Variants in ARRDC2 observed in about 807,000 individuals in gnomAD.
The protein encoded by ARRDC2 is arrestin domain containing 2, also known as arrestin domain-containing protein 2.
In ARRDC2, 39 loss-of-function variants were observed where a neutral mutation model predicts 38.9. The ratio of observed to expected loss-of-function variants is 1.00; its 90% confidence interval spans 0.78 to 1.31. The LOEUF (loss-of-function observed/expected upper bound fraction) is 1.31. ARRDC2 is among the 50% of genes most tolerant of loss of function. The pLI is 0.00. For synonymous variants in ARRDC2, 300 were observed against 261.9 expected (o/e 1.15, Z -1.41); for missense variants, 553 against 588.4 (o/e 0.94, Z 0.62).
At chr19:18,008,139 G>T (rs552172365), upstream of ARRDC2, 90 of 299,868 alleles carry the variant, frequency 3.0e-4, no homozygotes, top group Middle Eastern at 2.5e-3. Flanking sequence ...CCGCCCTGCC[G>T]TATAAAAGCG....
intron 7 of ARRDC2, among the ~76,000 whole-genome samples, chr19:18,011,254 C>G (rs938630824): frequency 3.3e-5 from 5 of 152,064 alleles, no homozygotes; most frequent in Non-Finnish European, 7.4e-5. Flanking sequence ...GCCTCGGCAT[C>G]CCAAAGTGCT....
At chr19:18,002,502 G>C (rs575028862) in intron 1 of ARRDC2, among the ~76,000 whole-genome samples, 18 of 152,346 alleles carry the variant, frequency 1.2e-4, no homozygotes, top group Admixed American at 3.3e-4. Context: ...GGGCCGCCCT[G>C]GCTATTCCTC....
chr19:18,013,817 G>C lies in ARRDC2; in HGVS notation c.*851G>C, dbSNP rs563280631. 2.0e-5 allele frequency: 3 copies of C among 152,280 alleles called. No individual in the cohort carries two copies. Among genetic ancestry groups the C allele is most frequent in the African/African-American group, 7.2e-5 (3 of 41,530 alleles). The allele number at this position is 152,280 out of a possible 1,614,324, so 9.4% of individuals were successfully genotyped here. The stretch of plus-strand genomic sequence containing the variant: ...CCAATGTGCAAAGTGAAAACACTGG[G>C]CTCCCTGTTAAACGATGAAGAATTC... On this transcript the variant is annotated 3_prime_UTR_variant, in exon 8 of 8. Coordinates refer to ENST00000222250, the MANE Select transcript of ARRDC2 (RefSeq NM_015683.2).
chr19:18,008,134 C>CCCCCCCAAAAAAAA, upstream of ARRDC2: 1 of 1,301,148 alleles, frequency 7.7e-7, no homozygotes, highest in Non-Finnish European at 9.9e-7. Flanking sequence ...CCCCCCCGCC[C>CCCCCCCAAAAAAAA]TGCCGTATAA....
chr19:18,008,835 C>T, intron 2 of ARRDC2, 58 bp downstream of exon 2: 3 of 1,599,094 alleles, frequency 1.9e-6, no homozygotes, highest in East Asian at 2.2e-5. Flanking sequence ...AGATTGGTAC[C>T]TCCAATACTG....
At chr19:18,001,949 C>T (rs1157048111) in intron 1 of ARRDC2, among the ~76,000 whole-genome samples, 2 of 152,198 alleles carry the variant, frequency 1.3e-5, no homozygotes, top group South Asian at 4.1e-4. Context: ...CCCCCACTAA[C>T]CGGGAACGTC....
In ARRDC2 at chr19:18,008,278, T is replaced by C; in HGVS notation, c.-33T>C. 1 of 1,578,400 alleles carries C rather than the reference T, an allele frequency of 6.3e-7. No homozygotes were observed. The highest frequency in any genetic ancestry group is 8.5e-7 in the Non-Finnish European group (1 of 1,172,092). ...GCCGGTTCGCGAGTTCGAGGCCAGGTTCCGCCTGTCGTGGGTTCGCACCCC... is the reference window on the plus strand; with the variant it reads ...GCCGGTTCGCGAGTTCGAGGCCAGGCTCCGCCTGTCGTGGGTTCGCACCCC... On this transcript the variant is annotated 5_prime_UTR_variant, in exon 1 of 8. Transcript: ENST00000222250.
At position 18,008,422 on chromosome 19, in the gene ARRDC2, C is replaced by A. The variant is rs752008104; in HGVS notation, c.112C>A (p.Leu38Met). 2 of 1,591,534 alleles carry A rather than the reference C, an allele frequency of 1.3e-6. No individual in the cohort carries two copies. Among genetic ancestry groups the A allele is most frequent in the African/African-American group, 2.7e-5 (2 of 74,534 alleles). ...QAVAGRVLLE[L>M]SSAARVGALR... is the part of the protein sequence containing the mutation. Reference sequence around the variant, plus strand: ...CGTGGCGGGCCGGGTGCTGCTGGAGCTGTCAAGCGCCGCGCGTGTGGGTGC... The same window carrying A: ...CGTGGCGGGCCGGGTGCTGCTGGAGATGTCAAGCGCCGCGCGTGTGGGTGC... Residue 38 changes from leucine to methionine, a missense_variant, in exon 1 of 8, where the codon CTG (leucine) becomes ATG (methionine). By Grantham distance (15) the Leu-to-Met change is conservative. Transcript: ENST00000222250.
upstream of ARRDC2, among the ~76,000 whole-genome samples, chr19:18,005,870 C>T (rs1326477261): frequency 6.0e-5 from 9 of 149,260 alleles, no homozygotes; most frequent in Non-Finnish European, 1.0e-4. Flanking sequence ...ACTTCTCAGA[C>T]GGGGCGGCTG....
rs2033334585 is a variant in ARRDC2 at position 18,008,601 on chromosome 19, C to T, written c.274+17C>T. On this transcript the variant is annotated intron_variant, in intron 1 of 7. Transcript: ENST00000222250. ...TGGCGCCAGGTACGGATGGAGGACC[C>T]CTGCTCCAACACCAGTTGTGTGCCT... The T allele has an allele frequency of 1.3e-6, 2 of 1,594,558 alleles. No individual in the cohort carries two copies. The highest frequency in any genetic ancestry group is 1.7e-6 in the Non-Finnish European group (2 of 1,177,060).
At chr19:18,008,662 G>A (rs2033335873) in intron 1 of ARRDC2, 49 bp from the exon 2 acceptor site, 2 of 1,608,120 alleles carry the variant, frequency 1.2e-6, no homozygotes, top group East Asian at 4.5e-5. Flanking sequence ...CGTCAGCCCT[G>A]GGACCCCAGC....
At chr19:18,009,168 C>T (rs1479657684) in intron 3 of ARRDC2, 50 bp downstream of exon 3, 3 of 1,595,570 alleles carry the variant, frequency 1.9e-6, no homozygotes, top group East Asian at 2.3e-5. Context: ...TAGGAAGGGG[C>T]CTGCCTGGCT....
upstream of ARRDC2, among the ~76,000 whole-genome samples, chr19:18,006,314 C>T (rs1401710220): frequency 1.3e-5 from 2 of 152,162 alleles, no homozygotes; most frequent in African/African-American, 4.8e-5. Context: ...GAGATCACGC[C>T]ACTGCACTCC....
Position 18,008,176 on chromosome 19 carries a change from C to T in ARRDC2, c.-135C>T. On this transcript the variant is annotated 5_prime_UTR_variant, in exon 1 of 8. Coordinates refer to ENST00000222250, the MANE Select transcript of ARRDC2 (RefSeq NM_015683.2). ...CGCCGACGCACGGCGCGGGGATTTT[C>T]TGCTCCGGTTGGTGAGCGCGCCTGC... 7.6e-6 allele frequency: 9 copies of T among 1,187,850 alleles called. No individual in the cohort carries two copies. The highest frequency in any genetic ancestry group is 8.4e-6 in the Non-Finnish European group (8 of 947,710). 73.6% of individuals were successfully genotyped at this position (1,187,850 alleles called of 1,614,324 possible).
At chr19:18,008,886 G>C in intron 2 of ARRDC2, 85 bp from the exon 3 acceptor site, 4 of 1,595,532 alleles carry the variant, frequency 2.5e-6, no homozygotes, top group Non-Finnish European at 3.4e-6. Context: ...CTCCCCCTGG[G>C]AGGCCCCCGG....
Position 18,008,350 on chromosome 19 carries a change from G to A in ARRDC2, c.40G>A (p.Asp14Asn), listed in dbSNP as rs148923549. 6.3e-7 allele frequency: 1 copy of A among 1,597,022 alleles called. No homozygotes were observed. Among genetic ancestry groups the A allele is most frequent in the East Asian group, 2.2e-5 (1 of 44,636 alleles). ...DKVKAFSVQL[D>N]GATAGVEPVF... Reference sequence around the variant, plus strand: ...GGTGAAAGCGTTCTCGGTGCAGTTGGACGGCGCGACCGCGGGCGTCGAGCC... The same window carrying A: ...GGTGAAAGCGTTCTCGGTGCAGTTGAACGGCGCGACCGCGGGCGTCGAGCC... Residue 14 changes from aspartate to asparagine, a missense_variant, in exon 1 of 8, where the codon GAC becomes AAC. Asp to Asn is a conservative substitution (Grantham distance 23). Transcript: ENST00000222250.
intron 2 of ARRDC2, 90 bp from the exon 3 acceptor site, chr19:18,008,881 C>T (rs1168776258): frequency 1.3e-6 from 2 of 1,594,978 alleles, no homozygotes; most frequent in South Asian, 1.1e-5. Context: ...AGACTCTCCC[C>T]CTGGGAGGCC....
chr19:18,008,341 G>A lies in ARRDC2; in HGVS notation c.31G>A (p.Val11Met), dbSNP rs1304680746. The A allele has an allele frequency of 6.3e-7, 1 of 1,597,200 alleles. No individual in the cohort carries two copies. The highest frequency in any genetic ancestry group is 8.5e-7 in the Non-Finnish European group (1 of 1,179,058). ...ATTCGACAAGGTGAAAGCGTTCTCG[G>A]TGCAGTTGGACGGCGCGACCGCGGG... MLFDKVKAFS[V>M]QLDGATAGVE... Residue 11 changes from valine to methionine, a missense_variant, in exon 1 of 8, where the codon GTG (valine) becomes ATG (methionine). By Grantham distance (21) the Val-to-Met change is conservative. Around this residue, in one of 3 missense-constraint regions of ARRDC2, gnomAD observed 447 missense variants for 456.6 expected, o/e 0.98. Transcript: ENST00000222250.
chr19:18,009,230 G>T, intron 3 of ARRDC2, 112 bp downstream of exon 3: 1 of 1,303,172 alleles, frequency 7.7e-7, no homozygotes, highest in South Asian at 1.3e-5. Context: ...CCCTGGCAGG[G>T]AGGGAGGCAG....
Sources: allele counts gnomAD v4.1 joint callset (sites outside exome capture counted in the v4.1 genomes callset), GRCh38; gene constraint gnomAD v4.1.1; regional missense constraint gnomAD v4.1.1; transcripts MANE v1.5; gene names NCBI Gene and HGNC (gene_info 2026-07-23, HGNC 2026-07-21).